The following LRRC37A2 variants were observed in gnomAD, a reference collection of about 807,000 sequenced individuals.
The protein encoded by LRRC37A2 is leucine rich repeat containing 37 member A2.
LRRC37A2 carries 9 observed loss-of-function variants against 68.8 expected under a neutral mutation model. The ratio of observed to expected loss-of-function variants is 0.13; its 90% CI spans 0.08 to 0.23. The LOEUF (loss-of-function observed/expected upper bound fraction) is 0.23. Ranked by LOEUF, LRRC37A2 falls within the 10% of genes least tolerant of loss-of-function variation. The pLI, the probability that LRRC37A2 is intolerant of heterozygous loss-of-function variation, is 1.00. For missense variants in LRRC37A2, 168 were observed against 950.4 expected (o/e 0.18, Z 10.82); for synonymous variants, 63 against 367.6 (o/e 0.17, Z 9.48).
the LRRC37A2 span, among the ~76,000 whole-genome samples, chr17:46,844,806 C>T: frequency 8.1e-6 from 1 of 123,618 alleles, no homozygotes; most frequent in Non-Finnish European, 1.6e-5. Flanking sequence ...TGCCTCCCTC[C>T]TTCCCTTCCT....
At chr17:46,876,956 G>T in the LRRC37A2 span, 1 of 1,310,306 alleles carries the variant, frequency 7.6e-7, no homozygotes, top group South Asian at 2.8e-5. Context: ...ACCTTGTTGA[G>T]GACTTGGAGA....
chr17:46,994,313 A>C, the LRRC37A2 span, among the ~76,000 whole-genome samples: 1 of 151,540 alleles, frequency 6.6e-6, no homozygotes, highest in Admixed American at 6.6e-5. Context: ...TGAGCCCCGG[A>C]GGCGAACGTT....
the LRRC37A2 span, among the ~76,000 whole-genome samples, chr17:47,044,833 G>A: frequency 7.1e-6 from 1 of 141,356 alleles, no homozygotes; most frequent in Admixed American, 7.1e-5. Flanking sequence ...ACAACATGGT[G>A]AAACCCCATT....
At chr17:46,903,801 T>G in the LRRC37A2 span, among the ~76,000 whole-genome samples, 3 of 40,420 alleles carry the variant, frequency 7.4e-5, no homozygotes, top group East Asian at 6.4e-4. Flanking sequence ...GATGGATGGA[T>G]GGGTGGGGTG....
chr17:46,710,840 C>T, the LRRC37A2 span: 55 of 827,074 alleles, frequency 6.6e-5, no homozygotes, highest in Non-Finnish European at 9.1e-5. Context: ...GCTTTCCAGG[C>T]TTTTTATATT....
At chr17:46,887,693 G>A in the LRRC37A2 span, among the ~76,000 whole-genome samples, 1 of 152,228 alleles carries the variant, frequency 6.6e-6, no homozygotes, top group South Asian at 2.1e-4. Flanking sequence ...GAACCCAGGA[G>A]GTGAAGGTTT....
the LRRC37A2 span, chr17:46,940,664 G>A: frequency 5.6e-6 from 9 of 1,613,116 alleles, no homozygotes; most frequent in South Asian, 1.1e-5. Context: ...CCCATCATGC[G>A]TGGACTGATA....
the LRRC37A2 span, among the ~76,000 whole-genome samples, chr17:46,389,225 G>A: frequency 9.9e-5 from 15 of 151,672 alleles, no homozygotes; most frequent in African/African-American, 3.2e-4. Context: ...ATAAAAGCAA[G>A]CAAACAAACT....
the LRRC37A2 span, among the ~76,000 whole-genome samples, chr17:46,860,213 C>T: frequency 9.2e-5 from 14 of 152,232 alleles, no homozygotes; most frequent in East Asian, 2.7e-3. Flanking sequence ...TGATGGTGGA[C>T]TTTCTGTGGC....
chr17:46,879,185 G>T, the LRRC37A2 span, among the ~76,000 whole-genome samples: 2 of 152,340 alleles, frequency 1.3e-5, no homozygotes, highest in East Asian at 1.9e-4. Flanking sequence ...TTCACAGACA[G>T]CACAGGTGGG....
chr17:47,007,927 T>C, the LRRC37A2 span: 1 of 152,182 alleles, frequency 6.6e-6, no homozygotes, highest in South Asian at 2.1e-4. Context: ...CATTACACAT[T>C]ACTCTTAAAT....
the LRRC37A2 span, among the ~76,000 whole-genome samples, chr17:46,737,572 CGTGT>C: frequency 0.36 from 52,989 of 147,082 alleles, 11,863 homozygotes; most frequent in South Asian, 0.56. Flanking sequence ...GGTGTGTGTG[CGTGT>C]GTGTGTGTGT....
the LRRC37A2 span, chr17:46,872,735 A>G: frequency 8.1e-6 from 13 of 1,610,482 alleles, no homozygotes; most frequent in Admixed American, 2.2e-4. Context: ...GAGCGCTGGA[A>G]CTGTAGCCTG....
the LRRC37A2 span, among the ~76,000 whole-genome samples, chr17:46,409,631 G>C: frequency 7.5e-6 from 1 of 133,938 alleles, no homozygotes; most frequent in East Asian, 2.1e-4. Context: ...CCTTCTTTTG[G>C]CTTGATTTTT....
At chr17:46,868,111 G>A in the LRRC37A2 span, among the ~76,000 whole-genome samples, 7 of 152,172 alleles carry the variant, frequency 4.6e-5, no homozygotes, top group Non-Finnish European at 1.0e-4. Context: ...CAAAGCAGGT[G>A]CAGCCTGATA....
the LRRC37A2 span, chr17:46,932,086 TATG>T: frequency 6.2e-7 from 1 of 1,613,636 alleles, no homozygotes; most frequent in East Asian, 2.2e-5. Flanking sequence ...CCAGTTAAAG[TATG>T]ATGTCCAGCA....
In LRRC37A2 at chr17:46,534,205, T is replaced by A. The variant is rs538803617; in HGVS notation, c.2907-5971T>A. ...TTTTTGTTTTTGTTTTTGTTTTTTT[T>A]AATTTTTTTTTATTGATCATTCTTG... On this transcript the variant is annotated intron_variant, in intron 6 of 14. Coordinates refer to ENST00000576629, the Ensembl canonical transcript of LRRC37A2. Among the ~76,000 whole-genome samples, 129 of 149,176 alleles carry A rather than the reference T, an allele frequency of 8.6e-4. 3 individuals carry two copies. The East Asian group carries it at 8.8e-3, about 10-fold the overall frequency.
At chr17:47,029,335 T>C in the LRRC37A2 span, among the ~76,000 whole-genome samples, 2 of 152,142 alleles carry the variant, frequency 1.3e-5, no homozygotes, top group South Asian at 4.1e-4. Context: ...TCCATATACT[T>C]TCCTGACTAC....
At chr17:46,811,524 C>T in the LRRC37A2 span, among the ~76,000 whole-genome samples, 4 of 152,260 alleles carry the variant, frequency 2.6e-5, no homozygotes, top group Admixed American at 6.5e-5. Context: ...AGCCTCTGAG[C>T]GCAGGACCTT....
Sources: gnomAD v4.1 joint callset for allele counts (sites outside exome capture counted in the v4.1 genomes callset) on GRCh38, gnomAD v4.1.1 for gene constraint, MANE v1.5 for transcripts, NCBI Gene and HGNC (gene_info 2026-07-23, HGNC 2026-07-21) for gene names.